Variants in LRRC7 observed in about 807,000 individuals in gnomAD.
The protein encoded by LRRC7 is leucine-rich repeat-containing protein 7.
A neutral mutation model predicts 175.7 loss-of-function variants in LRRC7; 23 were observed. The observed-to-expected ratio is 0.13, with a 90% CI of 0.09 to 0.19. The LOEUF (loss-of-function observed/expected upper bound fraction) is 0.19. Ranked by LOEUF, LRRC7 falls within the 10% of genes least tolerant of loss-of-function variation. The pLI, the probability that LRRC7 is intolerant of heterozygous loss-of-function variation, is 1.00. For missense variants in LRRC7, 1,354 were observed against 1,904.7 expected, an observed-to-expected ratio of 0.71 and a Z score of 5.38; for synonymous variants, 685 against 680.9, an observed-to-expected ratio of 1.01 and a Z score of -0.09.
chr1:69,714,381 G>A (rs549562101), intron 2 of LRRC7, among the ~76,000 whole-genome samples: 2 of 152,306 alleles, frequency 1.3e-5, no homozygotes, highest in African/African-American at 4.8e-5. Flanking sequence ...ATGGAGGAAA[G>A]CAGCTTATGA....
At chr1:69,742,771 C>A (rs1668848489) in intron 2 of LRRC7, among the ~76,000 whole-genome samples, 1 of 151,848 alleles carries the variant, frequency 6.6e-6, no homozygotes, top group Non-Finnish European at 1.5e-5. Flanking sequence ...TATATTAGTG[C>A]CTTTGGCTCT....
rs1666435398 is a variant in LRRC7 at position 70,125,871 on chromosome 1, A to C, written c.*3984A>C. 6.6e-6 allele frequency among the ~76,000 whole-genome samples: 1 copy of C among 151,588 alleles called. No homozygotes were observed. Among genetic ancestry groups the C allele is most frequent in the South Asian group, 2.1e-4 (1 of 4,830 alleles). ...ATTAGATTTATATATTCAAATATTAAGTGAAAAGTATCTGAATTTGTCAAA... is the reference window on the plus strand; with the variant it reads ...ATTAGATTTATATATTCAAATATTACGTGAAAAGTATCTGAATTTGTCAAA... On this transcript the variant is annotated 3_prime_UTR_variant, in exon 27 of 27. Transcript: ENST00000651989.
In LRRC7 at chr1:69,568,276, G is replaced by GCCA. The variant is rs1646406151; in HGVS notation, c.-361_-359dup. 4.9e-6 allele frequency: 1 copy of GCCA among 206,012 alleles called. No individual in the cohort carries two copies. The highest frequency in any genetic ancestry group is 9.4e-6 in the Non-Finnish European group (1 of 106,874). The allele number at this position is 206,012 out of a possible 1,614,324, so 12.8% of individuals were successfully genotyped here. ...GGGGCGGGGAGGGAGCTGCGCCTCC[G>GCCA]CCACCGCCGCCGCCGCCGCCGCTGC... On this transcript the variant is annotated 5_prime_UTR_variant, in exon 1 of 27. Transcript: ENST00000651989.
Position 70,142,610 on chromosome 1 carries a change from G to GTT in LRRC7, c.*20725_*20726dup, listed in dbSNP as rs1459478699. The GTT allele has an allele frequency of 2.0e-5, 3 of 152,040 alleles. No individual in the cohort carries two copies. Among genetic ancestry groups the GTT allele is most frequent in the African/African-American group, 4.8e-5 (2 of 41,428 alleles). The allele number at this position is 152,040 out of a possible 1,614,324, so 9.4% of individuals were successfully genotyped here. A position where few individuals can be genotyped will look rare whatever the true frequency, so the allele number is the denominator to read the frequency against. On this transcript the variant is annotated 3_prime_UTR_variant, in exon 27 of 27. Transcript: ENST00000651989. Reference sequence around the variant, plus strand: ...ATTAGAAGTAAATCTACCAAATTCTGTTTGTAAATTTTAAAGACCACCACA... The same window carrying GTT: ...ATTAGAAGTAAATCTACCAAATTCTGTTTTTGTAAATTTTAAAGACCACCACA...
At chr1:70,044,586 C>A (rs1156715174) in intron 22 of LRRC7, among the ~76,000 whole-genome samples, 1 of 151,928 alleles carries the variant, frequency 6.6e-6, no homozygotes, top group African/African-American at 2.4e-5. Flanking sequence ...CTTCTTCAGC[C>A]CATTTTTTTG....
chr1:69,921,722 T>G (rs1228376256), intron 7 of LRRC7, among the ~76,000 whole-genome samples: 36 of 152,194 alleles, frequency 2.4e-4, no homozygotes. Flanking sequence ...CATTCCAAGT[T>G]GCTGATGTGA....
rs191199301 is a variant in LRRC7, at chr1:69,826,050, A to T, written c.500+224A>T. ...TTGGCAAAAGATGGTATGACTTTGAAACAAACTTTGTCACCATTTTCCACA... is the reference window on the plus strand; with the variant it reads ...TTGGCAAAAGATGGTATGACTTTGATACAAACTTTGTCACCATTTTCCACA... On this transcript the variant is annotated intron_variant, in intron 5 of 26. Transcript: ENST00000651989. Among the ~76,000 whole-genome samples, 1,051 of 152,274 alleles carry T rather than the reference A, an allele frequency of 6.9e-3. 5 individuals are homozygous for T. The highest frequency in any genetic ancestry group is 8.6e-3 in the Non-Finnish European group (587 of 68,002).
chr1:69,886,806 A>T lies in LRRC7; in HGVS notation c.648-44701A>T, dbSNP rs1052490571. 3.3e-5 allele frequency among the ~76,000 whole-genome samples: 5 copies of T among 151,024 alleles called. No homozygotes were observed. In the South Asian group the frequency reaches 1.1e-3, roughly 32 times the overall value. ...CTTCCTTCAGGAGCTCTTTTAGGGC[A>T]GGCCTGGTGGTGACAAAATCTCTCA... On this transcript the variant is annotated intron_variant, in intron 7 of 26. Coordinates refer to ENST00000651989, the MANE Select transcript of LRRC7 (RefSeq NM_001370785.2).
At chr1:69,722,265 A>G (rs781672885) in intron 2 of LRRC7, among the ~76,000 whole-genome samples, 1 of 151,974 alleles carries the variant, frequency 6.6e-6, no homozygotes, top group African/African-American at 2.4e-5. Flanking sequence ...AAAACTTTCT[A>G]ATTTTATTTT....
At chr1:69,619,590 C>G (rs1471591729) in intron 1 of LRRC7, among the ~76,000 whole-genome samples, 1 of 152,134 alleles carries the variant, frequency 6.6e-6, no homozygotes. Context: ...AAAGAACAGA[C>G]AGCTCGGACT....
intron 19 of LRRC7, 57 bp from the exon 20 acceptor site, chr1:70,036,386 CT>C: frequency 6.6e-7 from 1 of 1,520,486 alleles, no homozygotes; most frequent in Non-Finnish European, 8.9e-7. Context: ...TTCATACTTG[CT>C]TTTCCGTGTA....
intron 1 of LRRC7, among the ~76,000 whole-genome samples, chr1:69,569,514 G>A (rs1645643770): frequency 6.6e-6 from 1 of 151,742 alleles, no homozygotes; most frequent in African/African-American, 2.4e-5. Flanking sequence ...GGTAATCATG[G>A]CACCCTGGCT....
intron 2 of LRRC7, among the ~76,000 whole-genome samples, chr1:69,756,907 G>T (rs1447154605): frequency 6.6e-6 from 1 of 151,926 alleles, no homozygotes; most frequent in Admixed American, 6.6e-5. Flanking sequence ...ATTCCTAAAA[G>T]GTTACTCCAG....
At chr1:70,052,744 T>C (rs1421042338) in intron 22 of LRRC7, among the ~76,000 whole-genome samples, 2 of 152,196 alleles carry the variant, frequency 1.3e-5, no homozygotes, top group Non-Finnish European at 2.9e-5. Flanking sequence ...AATTTTATTC[T>C]GATTATTTTT....
intron 11 of LRRC7, among the ~76,000 whole-genome samples, chr1:70,007,632 G>C (rs187494913): frequency 1.3e-5 from 2 of 152,160 alleles, no homozygotes; most frequent in Non-Finnish European, 2.9e-5. Context: ...GTCTTTTCAT[G>C]ATACGTTGTT....
chr1:69,729,690 T>C (rs1402690155), intron 2 of LRRC7, among the ~76,000 whole-genome samples: 1 of 152,198 alleles, frequency 6.6e-6, no homozygotes, highest in Non-Finnish European at 1.5e-5. Context: ...ATTCGGTGCC[T>C]GTGGCTTTTC....
chr1:69,960,349 T>G (rs1650927305), intron 8 of LRRC7, among the ~76,000 whole-genome samples: 1 of 152,126 alleles, frequency 6.6e-6, no homozygotes, highest in Non-Finnish European at 1.5e-5. Context: ...AATTTTTTAT[T>G]GTGCCTATTT....
intron 1 of LRRC7, among the ~76,000 whole-genome samples, chr1:69,656,693 T>C (rs1040920180): frequency 9.2e-5 from 14 of 151,994 alleles, no homozygotes; most frequent in African/African-American, 3.4e-4. Context: ...CAAACCACTT[T>C]AATTGACATT....
At chr1:69,972,574 A>G (rs930977005) in intron 8 of LRRC7, among the ~76,000 whole-genome samples, 11 of 152,068 alleles carry the variant, frequency 7.2e-5, no homozygotes, top group African/African-American at 2.7e-4. Flanking sequence ...TGTGATACCA[A>G]CTTACTCCTG....
Sources: gnomAD v4.1 joint callset for allele counts (sites outside exome capture counted in the v4.1 genomes callset) on GRCh38, gnomAD v4.1.1 for gene constraint, MANE v1.5 for transcripts, NCBI Gene and HGNC (gene_info 2026-07-23, HGNC 2026-07-21) for gene names.